SLC17A2: variants seen among roughly 807,000 people sequenced by gnomAD.
The protein encoded by SLC17A2 is sodium-dependent phosphate transport protein 3.
SLC17A2 carries 38 observed loss-of-function variants against 52.1 expected under a neutral mutation model. The ratio of observed to expected loss-of-function variants is 0.73; its 90% confidence interval spans 0.56 to 0.96. SLC17A2 has a LOEUF of 0.96. Among genes scored for constraint, SLC17A2 ranks in the 40% least tolerant of loss-of-function variants. The pLI is 0.00. For synonymous variants in SLC17A2, 226 were observed against 211.9 expected, an observed-to-expected ratio of 1.07 and a Z score of -0.58; for missense variants, 508 against 583.9, an observed-to-expected ratio of 0.87 and a Z score of 1.34.
At chr6:25,920,550 CATAAT>C (rs1324740352) in intron 5 of SLC17A2, among the ~76,000 whole-genome samples, 1 of 152,148 alleles carries the variant, frequency 6.6e-6, no homozygotes, top group Non-Finnish European at 1.5e-5. Context: ...TTAATGAGCT[CATAAT>C]AGAATAGTAA....
chr6:25,913,502 C>G, intron 11 of SLC17A2, 51 bp from the exon 12 acceptor site: 1 of 1,574,842 alleles, frequency 6.3e-7, no homozygotes, highest in Non-Finnish European at 8.7e-7. Flanking sequence ...TCCTTCTACA[C>G]CAGTTCTAGT....
At chr6:25,917,709 G>A (rs990413196) in intron 6 of SLC17A2, among the ~76,000 whole-genome samples, 1 of 152,228 alleles carries the variant, frequency 6.6e-6, no homozygotes, top group Admixed American at 6.5e-5. Flanking sequence ...AAAATCAAGT[G>A]TAGAAAATTG....
chr6:25,929,920 C>T lies in SLC17A2; in HGVS notation c.-84+357G>A, dbSNP rs577856491. Among the ~76,000 whole-genome samples the T allele has an allele frequency of 2.0e-5, 3 of 152,334 alleles. No homozygotes were observed. The South Asian group carries it at 6.2e-4, about 32-fold the overall frequency. On this transcript the variant is annotated intron_variant, in intron 1 of 11. Transcript: ENST00000377850. ...GTTCAAGCAATTCTCCTGCCTCAGCCTTCTGAATAGCTGGCACGCGCACTA... is the reference window on the plus strand; with the variant it reads ...GTTCAAGCAATTCTCCTGCCTCAGCTTTCTGAATAGCTGGCACGCGCACTA...
In SLC17A2 at chr6:25,927,334, T is replaced by C. The variant is rs969972338; in HGVS notation, c.-83-1455A>G. On this transcript the variant is annotated intron_variant, in intron 1 of 11. Coordinates refer to ENST00000377850, the MANE Select transcript of SLC17A2 (RefSeq NM_001286123.3). ...GGCAAGTCAATTTGATAGATTATTG[T>C]GATGGAAGCTATTTTAAAATGTTTT... 1.6e-4 allele frequency among the ~76,000 whole-genome samples: 24 copies of C among 152,340 alleles called. 1 individual carries two copies. The highest frequency in any genetic ancestry group is 5.9e-4 in the Admixed American group (9 of 15,310).
chr6:25,916,931 C>T, intron 7 of SLC17A2, 38 bp downstream of exon 7: 1 of 1,605,100 alleles, frequency 6.2e-7, no homozygotes, highest in South Asian at 1.1e-5. Flanking sequence ...GCCCTAGAGA[C>T]CTCTGCATGG....
chr6:25,925,738 C>A (rs756174803), intron 2 of SLC17A2, 31 bp downstream of exon 2: 1 of 1,604,434 alleles, frequency 6.2e-7, no homozygotes, highest in Non-Finnish European at 8.5e-7. Flanking sequence ...AGCTTATTAA[C>A]ATAGCCTGCA....
intron 5 of SLC17A2, among the ~76,000 whole-genome samples, chr6:25,919,129 C>T (rs1766440680): frequency 6.6e-6 from 1 of 152,192 alleles, no homozygotes; most frequent in Non-Finnish European, 1.5e-5. Context: ...ACATAACACA[C>T]ACACCAATAT....
In SLC17A2 at chr6:25,923,900, T is replaced by A; in HGVS notation, c.35A>T (p.Asp12Val). Residue 12 changes from aspartate (D) to valine (V), a missense_variant, in exon 3 of 12, where the codon GAT becomes GTT. By Grantham distance (152) the Asp-to-Val change is radical (BLOSUM62 -3). Transcript: ENST00000377850. ...DGKPATRKGPDFCSLRYGLAL... is the reference protein window; with the variant it reads ...DGKPATRKGPVFCSLRYGLAL... ...CAGCCCATAGCGTAATGAACAGAAA[T>A]CTGGACCTAGACAACAACACAGATG... The A allele has an allele frequency of 3.7e-6, 6 of 1,613,800 alleles. No homozygotes were observed. Among genetic ancestry groups the A allele is most frequent in the Non-Finnish European group, 5.1e-6 (6 of 1,179,902 alleles).
chr6:25,915,308 A>G (rs1007988100), intron 10 of SLC17A2, among the ~76,000 whole-genome samples, 191 bp downstream of exon 10: 1 of 151,554 alleles, frequency 6.6e-6, no homozygotes, highest in African/African-American at 2.4e-5. Flanking sequence ...TTACTGGCCA[A>G]GATTGGAAAT....
chr6:25,919,094 A>G (rs1766439114), intron 5 of SLC17A2, among the ~76,000 whole-genome samples: 1 of 152,228 alleles, frequency 6.6e-6, no homozygotes, highest in South Asian at 2.1e-4. Context: ...AGAGACCTAT[A>G]GTAAGAAATG....
chr6:25,928,567 A>G (rs74433525), intron 1 of SLC17A2, among the ~76,000 whole-genome samples: 2 of 152,204 alleles, frequency 1.3e-5, no homozygotes, highest in Admixed American at 1.3e-4. Context: ...TTTTGTATCA[A>G]TAGGTAATTT....
intron 2 of SLC17A2, among the ~76,000 whole-genome samples, chr6:25,925,268 C>T (rs34804024): frequency 0.074 from 11,275 of 152,168 alleles, 466 homozygotes; most frequent in Non-Finnish European, 0.095. Context: ...AATCCCAGCA[C>T]TTTGGGAGGC....
chr6:25,921,102 A>G lies in SLC17A2; in HGVS notation c.475-9T>C. 1 of 1,614,120 alleles carries G rather than the reference A, an allele frequency of 6.2e-7. No individual in the cohort carries two copies. The highest frequency in any genetic ancestry group is 1.1e-5 in the South Asian group (1 of 91,086). On this transcript the variant is annotated splice_polypyrimidine_tract_variant and intron_variant, in intron 4 of 11. Coordinates refer to ENST00000377850, the MANE Select transcript of SLC17A2 (RefSeq NM_001286123.3). ...CCTGTCCATGCCATTCCCTGAAATGAAAATCATTAAGACCTTTGATATTTT... is the reference window on the plus strand; with the variant it reads ...CCTGTCCATGCCATTCCCTGAAATGGAAATCATTAAGACCTTTGATATTTT...
chr6:25,917,031 T>C lies in SLC17A2; in HGVS notation c.706A>G (p.Met236Val). 1 of 1,614,144 alleles carries C rather than the reference T, an allele frequency of 6.2e-7. No homozygotes were observed. The highest frequency in any genetic ancestry group is 8.5e-7 in the Non-Finnish European group (1 of 1,180,010). Residue 236 changes from methionine to valine, a missense_variant, in exon 7 of 12, where the codon ATG (methionine) becomes GTG (valine). Physicochemically the swap from Met to Val is conservative, Grantham distance 21. Coordinates refer to ENST00000377850, the MANE Select transcript of SLC17A2 (RefSeq NM_001286123.3). ...CTAACACTTATGCACGGGTGATGCA[T>C]GGGGTCATCATAAATCACTGTGAAC... is the stretch of plus-strand genomic sequence containing the variant. ...LWFTVIYDDP[M>V]HHPCISVREK...
Position 25,916,844 on chromosome 6 carries a change from G to A in SLC17A2, c.771C>T (p.Pro257=). 7 of 1,614,070 alleles carry A rather than the reference G, an allele frequency of 4.3e-6. No homozygotes were observed. The highest frequency in any genetic ancestry group is 5.9e-6 in the Non-Finnish European group (7 of 1,179,992). The change falls in exon 8 of 12, where the codon CCC becomes CCT. Residue 257 remains proline (P), a splice_region_variant and synonymous_variant. Transcript: ENST00000377850. Reference sequence around the variant, plus strand: ...TGGGGACAGCTCGTCCAGGAGAACTGGGCTGAAAAGAAAGATCTAATCAGC... The same window carrying A: ...TGGGGACAGCTCGTCCAGGAGAACTAGGCTGAAAAGAAAGATCTAATCAGC... ...EHILSSLAQQ[P]SSPGRAVPIK... is the part of the protein sequence containing the mutation.
In SLC17A2 at chr6:25,921,035, C is replaced by T. The variant is rs140427773; in HGVS notation, c.533G>A (p.Arg178Gln). The T allele has an allele frequency of 1.2e-3, 1,967 of 1,614,236 alleles. 7 individuals are homozygous for T. Among genetic ancestry groups the T allele is most frequent in the Non-Finnish European group, 8.9e-4 (1,051 of 1,180,038 alleles). The change falls in exon 5 of 12, where the codon CGA becomes CAA. Residue 178 changes from arginine (R) to glutamine (Q), a missense_variant. Transcript: ENST00000377850. ...IWAKWAPPLE[R>Q]SKLTTIAGSG... ...TCCTGCAATGGTGGTGAGCTTGCTT[C>T]GTTCAAGTGGAGGAGCCCACTTTGC...
intron 3 of SLC17A2, among the ~76,000 whole-genome samples, chr6:25,923,259 T>A (rs573953134): frequency 6.6e-6 from 1 of 152,350 alleles, no homozygotes; most frequent in South Asian, 2.1e-4. Flanking sequence ...AAGTTTTAAC[T>A]GATTTTTCTC....
rs754556407 is a variant in SLC17A2, at chr6:25,923,737, G to A, written c.198C>T (p.Ala66=). 6.8e-6 allele frequency: 11 copies of A among 1,614,118 alleles called. No homozygotes were observed. The East Asian group carries it at 2.5e-4, about 36-fold the overall frequency. Residue 66 remains alanine (A), a synonymous_variant, in exon 3 of 12, where the codon GCC becomes GCT. Transcript: ENST00000377850. ...NASTEGPVAD[A]FNNSSISIKE... The stretch of plus-strand genomic sequence containing the variant: ...TGATGGATATGCTGGAGTTATTGAA[G>A]GCATCTGCAACAGGCCCCTCAGTGG...
intron 11 of SLC17A2, among the ~76,000 whole-genome samples, chr6:25,913,926 C>T (rs1174265797): frequency 6.6e-6 from 1 of 152,128 alleles, no homozygotes; most frequent in African/African-American, 2.4e-5. Context: ...AAGTCATTTC[C>T]AGCATTATAG....
Sources: allele counts gnomAD v4.1 joint callset (sites outside exome capture counted in the v4.1 genomes callset), GRCh38; gene constraint gnomAD v4.1.1; transcripts MANE v1.5; gene names NCBI Gene and HGNC (gene_info 2026-07-23, HGNC 2026-07-21).